FHIT: variants seen among roughly 807,000 people sequenced by gnomAD.
FHIT encodes fragile histidine triad diadenosine triphosphatase.
Under a neutral mutation model 17.9 loss-of-function variants are expected in FHIT, and 19 were observed. The ratio of observed to expected loss-of-function variants is 1.06; its 90% CI spans 0.74 to 1.56. FHIT has a LOEUF of 1.56. Ranked by LOEUF, FHIT falls within the 40% of genes most tolerant of loss-of-function variation. The pLI, the probability that FHIT is intolerant of heterozygous loss-of-function variation, is 0.00. For synonymous variants in FHIT, 81 were observed against 69.7 expected, an observed-to-expected ratio of 1.16 and a Z score of -0.81; for missense variants, 248 against 189.2, an observed-to-expected ratio of 1.31 and a Z score of -1.82.
chr3:60,155,580 C>T (rs1335046941), intron 5 of FHIT, among the ~76,000 whole-genome samples: 1 of 152,182 alleles, frequency 6.6e-6, no homozygotes, highest in Non-Finnish European at 1.5e-5. Context: ...ACTCTTCCCT[C>T]AAGCAGCCAG....
rs1702614289 is a variant in FHIT, at chr3:60,068,383, T to G, written c.104-54231A>C. ...TTTAAGTGGTCTTGACTCTGCATCT[T>G]AAGTTCCCAGGGTTAAGCTGGAGAT... is the stretch of plus-strand genomic sequence containing the variant. On this transcript the variant is annotated intron_variant, in intron 5 of 9. Coordinates refer to ENST00000492590, the MANE Select transcript of FHIT (RefSeq NM_002012.4). Among the ~76,000 whole-genome samples, 4 of 152,242 alleles carry G rather than the reference T, an allele frequency of 2.6e-5. No homozygotes were observed. The South Asian group carries it at 8.3e-4, about 31-fold the overall frequency.
At position 60,219,387 on chromosome 3, in the gene FHIT, G is replaced by T. The variant is rs184589446; in HGVS notation, c.104-205235C>A. ...ACAAGTATTATAAATAATAAAAGTT[G>T]GGAGTCTCCAGTAACTGAGAAAATT... On this transcript the variant is annotated intron_variant, in intron 5 of 9. Coordinates refer to ENST00000492590, the MANE Select transcript of FHIT (RefSeq NM_002012.4). Among the ~76,000 whole-genome samples, 4 of 152,118 alleles carry T rather than the reference G, an allele frequency of 2.6e-5. No homozygotes were observed. In the East Asian group the frequency reaches 7.7e-4, roughly 29 times the overall value.
chr3:60,206,500 C>T (rs906571079), intron 5 of FHIT, among the ~76,000 whole-genome samples: 2 of 151,972 alleles, frequency 1.3e-5, no homozygotes, highest in African/African-American at 4.8e-5. Context: ...TTTGTTTTGA[C>T]TTAACATGCC....
chr3:59,876,517 G>C (rs1345562069), intron 8 of FHIT, among the ~76,000 whole-genome samples: 1 of 152,110 alleles, frequency 6.6e-6, no homozygotes, highest in African/African-American at 2.4e-5. Flanking sequence ...CCTCAAAGGA[G>C]ACCAATGTTC....
At chr3:60,343,548 C>T (rs1488044610) in intron 5 of FHIT, among the ~76,000 whole-genome samples, 1 of 152,092 alleles carries the variant, frequency 6.6e-6, no homozygotes, top group Non-Finnish European at 1.5e-5. Context: ...ATTCCTAACA[C>T]CACTTTCCCC....
At chr3:61,228,158 G>A (rs2106858997) in intron 1 of FHIT, among the ~76,000 whole-genome samples, 1 of 150,620 alleles carries the variant, frequency 6.6e-6, no homozygotes, top group Admixed American at 6.6e-5. Flanking sequence ...TCAAGCTAAA[G>A]GCACTTATAA....
intron 4 of FHIT, among the ~76,000 whole-genome samples, chr3:60,814,591 T>C (rs547075382): frequency 1.3e-5 from 2 of 152,322 alleles, no homozygotes; most frequent in Admixed American, 1.3e-4. Flanking sequence ...CCAAATTTTC[T>C]TTATCTGATC....
intron 9 of FHIT, chr3:59,751,172 T>G (rs139975979): frequency 4.1e-4 from 74 of 180,036 alleles, no homozygotes; most frequent in African/African-American, 1.5e-3. Flanking sequence ...AGTCTAGATA[T>G]ATGCCAGTAT....
At chr3:60,332,088 CTA>C (rs1315819077) in intron 5 of FHIT, among the ~76,000 whole-genome samples, 3 of 152,098 alleles carry the variant, frequency 2.0e-5, no homozygotes, top group Admixed American at 2.0e-4. Context: ...AATTAAATAT[CTA>C]TTCTATACTA....
intron 5 of FHIT, among the ~76,000 whole-genome samples, chr3:60,126,616 G>A (rs1002025192): frequency 2.0e-5 from 3 of 152,106 alleles, no homozygotes; most frequent in Non-Finnish European, 4.4e-5. Flanking sequence ...ACCCACATGA[G>A]TATCAACCAA....
intron 4 of FHIT, among the ~76,000 whole-genome samples, chr3:60,780,282 A>G (rs1444422221): frequency 6.6e-6 from 1 of 152,124 alleles, no homozygotes; most frequent in Non-Finnish European, 1.5e-5. Context: ...TTGTGTCTCC[A>G]TACTACAAGG....
chr3:59,834,403 T>C (rs2106718613), intron 8 of FHIT, among the ~76,000 whole-genome samples: 1 of 152,208 alleles, frequency 6.6e-6, no homozygotes, highest in East Asian at 1.9e-4. Context: ...CTTAGACATA[T>C]AGATAGATGA....
intron 2 of FHIT, among the ~76,000 whole-genome samples, chr3:61,133,615 G>C (rs970853380): frequency 6.6e-6 from 1 of 152,210 alleles, no homozygotes; most frequent in Non-Finnish European, 1.5e-5. Context: ...TAGTGGAAGA[G>C]AGGAGAGTCA....
chr3:61,029,192 T>A (rs1446446628), intron 3 of FHIT, among the ~76,000 whole-genome samples: 1 of 152,206 alleles, frequency 6.6e-6, no homozygotes, highest in Non-Finnish European at 1.5e-5. Context: ...CAATATTACA[T>A]ATATTCATCA....
At chr3:60,962,691 G>A (rs1387501845) in intron 3 of FHIT, among the ~76,000 whole-genome samples, 8 of 152,160 alleles carry the variant, frequency 5.3e-5, no homozygotes, top group African/African-American at 1.9e-4. Context: ...AGATAATCAT[G>A]TGGTTTTTGT....
At chr3:61,071,437 A>G (rs1475872867) in intron 2 of FHIT, among the ~76,000 whole-genome samples, 1 of 152,202 alleles carries the variant, frequency 6.6e-6, no homozygotes, top group African/African-American at 2.4e-5. Context: ...AGATGTGCCT[A>G]AAGATATATC....
intron 7 of FHIT, among the ~76,000 whole-genome samples, chr3:59,939,378 G>A (rs756828405): frequency 1.3e-5 from 2 of 152,156 alleles, no homozygotes; most frequent in African/African-American, 2.4e-5. Context: ...AACTGCAGCA[G>A]AGTCTTAATA....
At chr3:61,170,352 T>G (rs1349623370) in intron 2 of FHIT, among the ~76,000 whole-genome samples, 1 of 152,170 alleles carries the variant, frequency 6.6e-6, no homozygotes, top group Non-Finnish European at 1.5e-5. Context: ...GAAGTTAAAG[T>G]TATTTCTATC....
chr3:60,404,692 G>A (rs187223498), intron 5 of FHIT, among the ~76,000 whole-genome samples: 1 of 152,126 alleles, frequency 6.6e-6, no homozygotes, highest in African/African-American at 2.4e-5. Flanking sequence ...ACAGGGCTTG[G>A]TTTATAGGAA....
Sources: allele counts gnomAD v4.1 joint callset (sites outside exome capture counted in the v4.1 genomes callset), GRCh38; gene constraint gnomAD v4.1.1; transcripts MANE v1.5; gene names NCBI Gene and HGNC (gene_info 2026-07-23, HGNC 2026-07-21).